Variants in KIAA1217 observed in about 807,000 individuals in gnomAD.
KIAA1217 encodes the protein sickle tail protein homolog.
In KIAA1217, 88 loss-of-function variants were observed where a neutral mutation model predicts 163.9. The ratio of observed to expected loss-of-function variants is 0.54; its 90% CI spans 0.45 to 0.64. The LOEUF is 0.64. Among genes scored for constraint, KIAA1217 ranks in the 30% least tolerant of loss-of-function variants. The pLI, the probability that KIAA1217 is intolerant of heterozygous loss-of-function variation, is 0.00. For synonymous variants in KIAA1217, 903 were observed against 923.1 expected, an observed-to-expected ratio of 0.98 and a Z score of 0.39; for missense variants, 2,372 against 2,475.0, an observed-to-expected ratio of 0.96 and a Z score of 0.88.
At chr10:24,208,220 T>C (rs745802120), upstream of KIAA1217, among the ~76,000 whole-genome samples, 1 of 151,784 alleles carries the variant, frequency 6.6e-6, no homozygotes, top group Non-Finnish European at 1.5e-5. Flanking sequence ...TAAATATTTG[T>C]AGGTGGTTTA....
At chr10:24,046,284 G>A (rs1849019699) in intron 2 of KIAA1217, among the ~76,000 whole-genome samples, 1 of 152,018 alleles carries the variant, frequency 6.6e-6, no homozygotes, top group Non-Finnish European at 1.5e-5. Context: ...TTCCTATGTG[G>A]CCAGCACACT....
chr10:24,538,735 T>TTG (rs1219042602), intron 17 of KIAA1217, among the ~76,000 whole-genome samples: 2 of 132,792 alleles, frequency 1.5e-5, no homozygotes, highest in East Asian at 2.0e-4. Context: ...GTTTTTGGTT[T>TTG]TTTTTTTTTT....
intron 9 of KIAA1217, among the ~76,000 whole-genome samples, chr10:24,508,231 C>T (rs958251616): frequency 6.6e-5 from 10 of 152,016 alleles, no homozygotes; most frequent in Non-Finnish European, 1.5e-4. Context: ...AAAAAATCAA[C>T]GTATTTGACC....
At chr10:24,236,233 C>T (rs1435018234) in intron 2 of KIAA1217, among the ~76,000 whole-genome samples, 1 of 152,028 alleles carries the variant, frequency 6.6e-6, no homozygotes, top group Non-Finnish European at 1.5e-5. Flanking sequence ...TATTTCTTTT[C>T]TCTTTTCTTT....
chr10:23,848,357 T>C (rs749837339), intron 1 of KIAA1217, among the ~76,000 whole-genome samples: 8 of 152,026 alleles, frequency 5.3e-5, no homozygotes, highest in Non-Finnish European at 1.2e-4. Flanking sequence ...CTAAGTCTCT[T>C]TGTAGTCTGT....
chr10:24,163,733 T>C (rs1323010160), intron 2 of KIAA1217, among the ~76,000 whole-genome samples: 1 of 152,176 alleles, frequency 6.6e-6, no homozygotes, highest in Non-Finnish European at 1.5e-5. Flanking sequence ...CCAGCTTCAT[T>C]CTCCCATTAC....
At chr10:24,074,703 CTTTTTTTTTT>C (rs35168053) in intron 2 of KIAA1217, among the ~76,000 whole-genome samples, 1 of 99,488 alleles carries the variant, frequency 1.0e-5, no homozygotes, top group Non-Finnish European at 2.2e-5. Flanking sequence ...TCTTCTTCTT[CTTTTTTTTTT>C]TTTTTTTTGA....
chr10:24,372,624 A>G (rs2051832179), intron 2 of KIAA1217, among the ~76,000 whole-genome samples: 1 of 152,184 alleles, frequency 6.6e-6, no homozygotes, highest in Non-Finnish European at 1.5e-5. Context: ...TGCACGCCAA[A>G]ATAAATCTAA....
chr10:24,536,586 C>T (rs1456330191), intron 16 of KIAA1217, among the ~76,000 whole-genome samples, 188 bp from the exon 17 acceptor site: 15 of 152,114 alleles, frequency 9.9e-5, no homozygotes, highest in African/African-American at 3.6e-4. Flanking sequence ...TCGGACTCTG[C>T]CTCCAAGCCA....
chr10:23,801,346 G>A (rs1001779058), intron 1 of KIAA1217, among the ~76,000 whole-genome samples: 1 of 152,168 alleles, frequency 6.6e-6, no homozygotes, highest in Non-Finnish European at 1.5e-5. Context: ...GACTAGGGGA[G>A]GGATAGCGTT....
At chr10:24,051,211 A>C (rs1181525486) in intron 2 of KIAA1217, among the ~76,000 whole-genome samples, 1 of 152,192 alleles carries the variant, frequency 6.6e-6, no homozygotes, top group Non-Finnish European at 1.5e-5. Flanking sequence ...ACTTAAAATA[A>C]TGGTCTCCAA....
At chr10:23,756,580 G>C (rs1419368890) in intron 1 of KIAA1217, among the ~76,000 whole-genome samples, 8 of 152,034 alleles carry the variant, frequency 5.3e-5, no homozygotes, top group Non-Finnish European at 2.9e-5. Context: ...AAAAACTTAT[G>C]GCATGTTACT....
intron 2 of KIAA1217, among the ~76,000 whole-genome samples, chr10:24,070,890 A>G (rs1375656065): frequency 6.6e-6 from 1 of 152,184 alleles, no homozygotes; most frequent in East Asian, 1.9e-4. Context: ...ATGGATCACT[A>G]AAAGCTTGTC....
intron 1 of KIAA1217, among the ~76,000 whole-genome samples, chr10:23,803,283 A>G (rs1057380899): frequency 6.6e-6 from 1 of 152,208 alleles, no homozygotes; most frequent in African/African-American, 2.4e-5. Context: ...GTCCTGAGGA[A>G]CATATTTCCC....
intron 2 of KIAA1217, among the ~76,000 whole-genome samples, chr10:24,064,968 C>T (rs1026988783): frequency 7.9e-5 from 12 of 152,324 alleles, no homozygotes; most frequent in African/African-American, 2.2e-4. Context: ...GTTTGTATTT[C>T]TGTGGGATCG....
chr10:23,761,663 T>A (rs1012483817), intron 1 of KIAA1217, among the ~76,000 whole-genome samples: 1 of 152,158 alleles, frequency 6.6e-6, no homozygotes, highest in Admixed American at 6.5e-5. Flanking sequence ...TGAGGAGTGT[T>A]TTACTTCCCA....
At chr10:24,479,008 T>C (rs1393797690) in intron 6 of KIAA1217, among the ~76,000 whole-genome samples, 1 of 152,216 alleles carries the variant, frequency 6.6e-6, no homozygotes, top group Non-Finnish European at 1.5e-5. Flanking sequence ...ATTCTATACC[T>C]AGAGCAGCTA....
At chr10:24,511,265 G>T (rs879049506) in intron 9 of KIAA1217, among the ~76,000 whole-genome samples, 2 of 151,456 alleles carry the variant, frequency 1.3e-5, no homozygotes, top group Admixed American at 1.3e-4. Context: ...CAAGGGAAGC[G>T]ACCAGATTGC....
intron 2 of KIAA1217, among the ~76,000 whole-genome samples, chr10:24,018,707 T>C (rs1847601617): frequency 6.6e-6 from 1 of 152,096 alleles, no homozygotes; most frequent in South Asian, 2.1e-4. Flanking sequence ...CACTACTGGG[T>C]ATATATCCAA....
Sources: gnomAD v4.1 joint callset for allele counts (sites outside exome capture counted in the v4.1 genomes callset) on GRCh38, gnomAD v4.1.1 for gene constraint, MANE v1.5 for transcripts, NCBI Gene and HGNC (gene_info 2026-07-23, HGNC 2026-07-21) for gene names.